The following LIMA1 variants were observed in gnomAD, a reference collection of about 807,000 sequenced individuals.
The protein encoded by LIMA1 is LIM domain and actin binding 1.
In LIMA1, 52 loss-of-function variants were observed where a neutral mutation model predicts 62.6. The ratio of observed to expected loss-of-function variants is 0.83; its 90% CI spans 0.67 to 1.05. LIMA1 has a LOEUF of 1.05. LIMA1 is among the 50% of genes least tolerant of loss of function. LIMA1 has a pLI of 0.00. For missense variants in LIMA1, 780 were observed against 902.2 expected, an observed-to-expected ratio of 0.86 and a Z score of 1.74; for synonymous variants, 302 against 317.8, an observed-to-expected ratio of 0.95 and a Z score of 0.53.
rs1940514310 is a variant in LIMA1 at position 50,181,976 on chromosome 12, T to C, written c.1202A>G (p.Glu401Gly). ...VECQKTVYPM[E>G]RLLANQQVFH... ...CACCTGCTGGTTGGCCAAGAGACGC[T>C]CCATTGGATAGACTGTCTTCTGACA... Residue 401 changes from glutamate (E) to glycine (G), a missense_variant, in exon 10 of 11, where the codon GAG (glutamate) becomes GGG (glycine). Transcript: ENST00000341247. 6.2e-7 allele frequency: 1 copy of C among 1,613,476 alleles called. No homozygotes were observed. Among genetic ancestry groups the C allele is most frequent in the African/African-American group, 1.3e-5 (1 of 74,910 alleles).
At chr12:50,263,855 GAGTATATATATATATATATATAA>G (rs1417428226) in intron 1 of LIMA1, among the ~76,000 whole-genome samples, 2 of 101,870 alleles carry the variant, frequency 2.0e-5, no homozygotes, top group Non-Finnish European at 4.0e-5. Flanking sequence ...TATATATAGA[GAGTATATATATATATATATATAA>G]AGTATATATA....
At chr12:50,269,541 C>A (rs898659463) in intron 1 of LIMA1, among the ~76,000 whole-genome samples, 3 of 152,186 alleles carry the variant, frequency 2.0e-5, no homozygotes, top group Non-Finnish European at 4.4e-5. Flanking sequence ...ATGGTTACTA[C>A]CAGGAACACC....
At chr12:50,203,243 G>A (rs144581512) in intron 6 of LIMA1, among the ~76,000 whole-genome samples, 81 of 151,756 alleles carry the variant, frequency 5.3e-4, no homozygotes, top group Middle Eastern at 6.8e-3. Context: ...CTGAACTCCT[G>A]ACTTCAAATG....
chr12:50,179,528 C>T (rs1414241140), intron 10 of LIMA1, among the ~76,000 whole-genome samples: 3 of 151,038 alleles, frequency 2.0e-5, no homozygotes. Flanking sequence ...AGCTCCGCCT[C>T]CCAGGTTCAC....
intron 4 of LIMA1, among the ~76,000 whole-genome samples, chr12:50,207,436 T>C (rs1941174170): frequency 6.6e-6 from 1 of 152,190 alleles, no homozygotes; most frequent in Non-Finnish European, 1.5e-5. Flanking sequence ...ATCATTCAAA[T>C]CTCAGTTTAT....
chr12:50,215,681 T>G (rs1368109850), intron 4 of LIMA1, among the ~76,000 whole-genome samples: 1 of 151,900 alleles, frequency 6.6e-6, no homozygotes, highest in African/African-American at 2.4e-5. Flanking sequence ...CACCGTGTTA[T>G]CCAGGATGGT....
At chr12:50,255,549 C>CA (rs1185514558) in intron 1 of LIMA1, among the ~76,000 whole-genome samples, 2,703 of 39,004 alleles carry the variant, frequency 0.069, 93 homozygotes, top group African/African-American at 0.19. Flanking sequence ...CAGACCCTGT[C>CA]AAAAAAAAAA....
In LIMA1 at chr12:50,178,962, A is replaced by ATTTT. The variant is rs1168217018; in HGVS notation, c.1275-894_1275-893insAAAA. 2.0e-4 allele frequency among the ~76,000 whole-genome samples: 19 copies of ATTTT among 95,486 alleles called. No homozygotes were observed. In the South Asian group the frequency reaches 2.1e-3, roughly 10 times the overall value. 62.6% of individuals were successfully genotyped at this position (95,486 alleles called of 152,430 possible). On this transcript the variant is annotated intron_variant, in intron 10 of 10. Transcript: ENST00000341247. ...ACGGTATATAAATACATATATATAT[A>ATTTT]TATATTTTTTTTTTCTTTTTCTTTT...
chr12:50,211,516 G>C (rs972371734), intron 4 of LIMA1, among the ~76,000 whole-genome samples: 2 of 151,676 alleles, frequency 1.3e-5, no homozygotes, highest in African/African-American at 2.4e-5. Flanking sequence ...CAGGCATAGT[G>C]GTGATGCCTG....
intron 2 of LIMA1, among the ~76,000 whole-genome samples, chr12:50,244,304 C>T (rs879317201): frequency 1.3e-5 from 2 of 152,120 alleles, no homozygotes; most frequent in Non-Finnish European, 2.9e-5. Context: ...AGGGTTTCAC[C>T]ACGTTGGCCA....
chr12:50,278,869 T>C (rs1382674245), intron 1 of LIMA1, among the ~76,000 whole-genome samples: 1 of 152,148 alleles, frequency 6.6e-6, no homozygotes, highest in Non-Finnish European at 1.5e-5. Context: ...TTTATGTGAG[T>C]GTGTGTATAT....
At chr12:50,204,722 GTTTTA>G in intron 5 of LIMA1, 22 bp from the exon 6 acceptor site, 1 of 1,611,926 alleles carries the variant, frequency 6.2e-7, no homozygotes, top group Non-Finnish European at 8.5e-7. Flanking sequence ...CAAATAACAT[GTTTTA>G]TTTTATTTCT....
At chr12:50,283,111 T>C (rs1942359875) in intron 1 of LIMA1, among the ~76,000 whole-genome samples, 1 of 151,542 alleles carries the variant, frequency 6.6e-6, no homozygotes, top group South Asian at 2.1e-4. Context: ...TAATGAATTG[T>C]CACCTTCCTC....
At chr12:50,235,894 G>A (rs1246215933) in intron 2 of LIMA1, among the ~76,000 whole-genome samples, 3 of 152,224 alleles carry the variant, frequency 2.0e-5, no homozygotes, top group Admixed American at 6.5e-5. Context: ...GCTGGGTGCG[G>A]TGTCTCATGC....
intron 4 of LIMA1, among the ~76,000 whole-genome samples, chr12:50,218,906 A>C (rs941061572): frequency 7.3e-6 from 1 of 137,294 alleles, no homozygotes; most frequent in African/African-American, 2.9e-5. Context: ...AAAAAAAAAA[A>C]AAACAAAAAC....
In LIMA1 at chr12:50,255,159, T is replaced by C. The variant is rs1476575445; in HGVS notation, c.-23-6385A>G. On this transcript the variant is annotated intron_variant, in intron 1 of 10. Coordinates refer to ENST00000341247, the MANE Select transcript of LIMA1 (RefSeq NM_016357.5). The stretch of plus-strand genomic sequence containing the variant: ...TATATATCCGATCTCAGTGGCCTCC[T>C]CTCTTTTTTTTCTCCTGAGATGGTT... 1.2e-4 allele frequency among the ~76,000 whole-genome samples: 18 copies of C among 152,106 alleles called. No individual in the cohort carries two copies. The East Asian group carries it at 2.3e-3, about 20-fold the overall frequency.
chr12:50,182,184 GCT>G lies in LIMA1; in HGVS notation c.1141-149_1141-148del, dbSNP rs979861660. On this transcript the variant is annotated intron_variant, in intron 9 of 10. Coordinates refer to ENST00000341247, the MANE Select transcript of LIMA1 (RefSeq NM_016357.5). ...CACTAAACCTGCTACAATTCTATCA[GCT>G]GACTCTTTAAAGCCAAGAGGCTCTC... 5.4e-5 allele frequency: 43 copies of G among 801,680 alleles called. No homozygotes were observed. In the African/African-American group the frequency reaches 7.1e-4, roughly 13 times the overall value. 49.7% of individuals were successfully genotyped at this position (801,680 alleles called of 1,614,324 possible).
chr12:50,269,390 C>T (rs534931774), intron 1 of LIMA1, among the ~76,000 whole-genome samples: 8 of 151,994 alleles, frequency 5.3e-5, no homozygotes, highest in East Asian at 3.8e-4. Context: ...AGGAGGTTGG[C>T]CTGGAAACAA....
In LIMA1 at chr12:50,229,175, C is replaced by A. The variant is rs547432875; in HGVS notation, c.165+2490G>T. On this transcript the variant is annotated intron_variant, in intron 3 of 10. Coordinates refer to ENST00000341247, the MANE Select transcript of LIMA1 (RefSeq NM_016357.5). ...TCTTAATTGGTCTCCATGCTCCTGC[C>A]ATTATTGTTCCTCTACATTCTCTTC... Among the ~76,000 whole-genome samples the A allele has an allele frequency of 1.2e-4, 19 of 152,254 alleles. 1 individual carries two copies. The South Asian group carries it at 3.9e-3, about 32-fold the overall frequency.
Sources: gnomAD v4.1 joint callset for allele counts (sites outside exome capture counted in the v4.1 genomes callset) on GRCh38, gnomAD v4.1.1 for gene constraint, MANE v1.5 for transcripts, NCBI Gene and HGNC (gene_info 2026-07-23, HGNC 2026-07-21) for gene names.